PIWIL1: variants seen among roughly 807,000 people sequenced by gnomAD.
The protein encoded by PIWIL1 is piwi-like protein 1.
Under a neutral mutation model 114.4 loss-of-function variants are expected in PIWIL1, and 73 were observed. That is an observed-to-expected ratio of 0.64 (90% CI 0.53 to 0.78). PIWIL1 has a LOEUF of 0.78. PIWIL1 is among the 30% of genes least tolerant of loss of function. The pLI is 0.00. For synonymous variants in PIWIL1, 375 were observed against 369.0 expected (o/e 1.02, Z -0.19); for missense variants, 723 against 1,063.1 (o/e 0.68, Z 4.45).
the PIWIL1 span, chr12:130,414,565 CTCA>C: frequency 3.2e-6 from 1 of 312,360 alleles, no homozygotes; most frequent in Admixed American, 4.6e-5. Context: ...CGGGGGCCTC[CTCA>C]GAGAGCACAG....
intron 6 of PIWIL1, among the ~76,000 whole-genome samples, chr12:130,347,483 G>A (rs972447520): frequency 6.6e-6 from 1 of 152,098 alleles, no homozygotes; most frequent in African/African-American, 2.4e-5. Flanking sequence ...AGCAAGACAC[G>A]TGTTCTGCAA....
chr12:130,340,678 G>GTGCTGC (rs1158073002), intron 1 of PIWIL1, among the ~76,000 whole-genome samples: 2 of 141,712 alleles, frequency 1.4e-5, no homozygotes, highest in African/African-American at 3.1e-5. Flanking sequence ...GGTGGTGGTG[G>GTGCTGC]TGCTGCTGCT....
At chr12:130,391,231 C>T in the PIWIL1 span, among the ~76,000 whole-genome samples, 72 of 152,284 alleles carry the variant, frequency 4.7e-4, no homozygotes, top group African/African-American at 1.7e-3. Flanking sequence ...AAGGTGAGGC[C>T]GCCTGCCTTC....
chr12:130,350,483 T>TA (rs1447886435), intron 9 of PIWIL1, among the ~76,000 whole-genome samples: 1 of 152,194 alleles, frequency 6.6e-6, no homozygotes, highest in African/African-American at 2.4e-5. Flanking sequence ...GGCGATCATC[T>TA]AAAACAGTTT....
At position 130,342,749 on chromosome 12, in the gene PIWIL1, CTG is replaced by C. The variant is rs1211263598; in HGVS notation, c.78+83_78+84del. ...TAGGCTGTTGAAAATAAACTAAAAA[CTG>C]TGCTGGGAAGGATATAGGAAGTGAG... On this transcript the variant is annotated intron_variant, in intron 2 of 20. Transcript: ENST00000245255. 5.3e-5 allele frequency: 59 copies of C among 1,113,590 alleles called. No individual in the cohort carries two copies. The South Asian group carries it at 6.6e-4, about 12-fold the overall frequency. 69.0% of individuals were successfully genotyped at this position (1,113,590 alleles called of 1,614,324 possible).
At chr12:130,402,970 A>G in the PIWIL1 span, among the ~76,000 whole-genome samples, 30 of 152,228 alleles carry the variant, frequency 2.0e-4, no homozygotes, top group Non-Finnish European at 3.7e-4. Context: ...GATGTAAATT[A>G]TGAAATAGCA....
At chr12:130,389,927 G>A in the PIWIL1 span, among the ~76,000 whole-genome samples, 15 of 152,110 alleles carry the variant, frequency 9.9e-5, no homozygotes, top group South Asian at 2.1e-4. Flanking sequence ...GCTGATACAC[G>A]GGTTCTTTAG....
chr12:130,366,256 A>G (rs1423963086), intron 18 of PIWIL1, among the ~76,000 whole-genome samples: 1 of 152,156 alleles, frequency 6.6e-6, no homozygotes, highest in East Asian at 1.9e-4. Context: ...TTGTGTGTGT[A>G]CAAGTGTGGC....
chr12:130,374,175 T>C (rs548402110), downstream of PIWIL1, among the ~76,000 whole-genome samples: 10 of 152,308 alleles, frequency 6.6e-5, 1 homozygote, highest in South Asian at 1.7e-3. Context: ...TTTACACGCA[T>C]TCCCTAAGTC....
intron 9 of PIWIL1, among the ~76,000 whole-genome samples, chr12:130,354,184 G>A (rs1401584448): frequency 1.3e-5 from 2 of 152,064 alleles, no homozygotes; most frequent in African/African-American, 4.8e-5. Context: ...AGTTTTAGAG[G>A]AATCATCCTA....
chr12:130,391,245 C>T, the PIWIL1 span, among the ~76,000 whole-genome samples: 10 of 152,224 alleles, frequency 6.6e-5, no homozygotes, highest in African/African-American at 2.4e-4. Context: ...TGCCTTCTCA[C>T]CGTCTCCGCT....
At chr12:130,369,633 C>T (rs570635113) in intron 19 of PIWIL1, among the ~76,000 whole-genome samples, 1 of 152,176 alleles carries the variant, frequency 6.6e-6, no homozygotes, top group Non-Finnish European at 1.5e-5. Context: ...TTGCATTTCT[C>T]TAATGATCAG....
chr12:130,395,262 G>A, the PIWIL1 span, among the ~76,000 whole-genome samples: 7 of 152,222 alleles, frequency 4.6e-5, no homozygotes, highest in African/African-American at 7.2e-5. Context: ...TACAATTTTC[G>A]GTCATAAAAC....
the PIWIL1 span, chr12:130,422,471 C>T: frequency 3.4e-5 from 55 of 1,611,290 alleles, no homozygotes; most frequent in Admixed American, 1.3e-4. This position sits in a 1 kb window ranked among gnomAD's most constrained non-coding sequence, Gnocchi z 5.2. Context: ...GGGACTGTCA[C>T]GGGCCGGGAC....
the PIWIL1 span, among the ~76,000 whole-genome samples, chr12:130,388,126 G>A: frequency 9.2e-5 from 14 of 152,134 alleles, no homozygotes; most frequent in African/African-American, 2.9e-4. Flanking sequence ...TTTCATTTTG[G>A]TTTTTCTTTT....
the PIWIL1 span, among the ~76,000 whole-genome samples, chr12:130,380,887 C>A: frequency 5.9e-5 from 9 of 152,210 alleles, no homozygotes; most frequent in Non-Finnish European, 1.5e-5. Context: ...CAAAGCCAAA[C>A]AAAGTAGGCC....
the PIWIL1 span, among the ~76,000 whole-genome samples, chr12:130,423,716 T>C: frequency 7.7e-4 from 66 of 85,704 alleles, no homozygotes; most frequent in African/African-American, 2.9e-3. Flanking sequence ...TGGTTATAAA[T>C]GTCAGAAAGC....
the PIWIL1 span, among the ~76,000 whole-genome samples, chr12:130,391,809 G>A: frequency 6.6e-5 from 10 of 152,212 alleles, no homozygotes; most frequent in South Asian, 1.4e-3. Context: ...GGGGGCATGC[G>A]TAAGGGGTCC....
At chr12:130,348,219 C>A in intron 7 of PIWIL1, 36 bp downstream of exon 7, 1 of 1,226,472 alleles carries the variant, frequency 8.2e-7, no homozygotes, top group Non-Finnish European at 1.2e-6. Flanking sequence ...ATTCCTTAGG[C>A]TTAATGACAG....
Sources: allele counts gnomAD v4.1 joint callset (sites outside exome capture counted in the v4.1 genomes callset), GRCh38; gene constraint gnomAD v4.1.1; non-coding constraint Gnocchi (gnomAD v3.1); transcripts MANE v1.5; gene names NCBI Gene and HGNC (gene_info 2026-07-23, HGNC 2026-07-21).